The following CDKAL1 variants were observed in gnomAD, a reference collection of about 807,000 sequenced individuals.
The protein encoded by CDKAL1 is CDKAL1 threonylcarbamoyladenosine tRNA methylthiotransferase.
In CDKAL1, 32 loss-of-function variants were observed where a neutral mutation model predicts 68.2. That is an observed-to-expected ratio of 0.47 (90% CI 0.35 to 0.63). CDKAL1 has a LOEUF of 0.63. CDKAL1 is among the 30% of genes least tolerant of loss of function. The pLI, the probability that CDKAL1 is intolerant of heterozygous loss-of-function variation, is 0.00. For missense variants in CDKAL1, 606 were observed against 696.7 expected, an observed-to-expected ratio of 0.87 and a Z score of 1.47; for synonymous variants, 234 against 244.3, an observed-to-expected ratio of 0.96 and a Z score of 0.39.
chr6:20,774,528 G>C (rs9465890), intron 7 of CDKAL1, among the ~76,000 whole-genome samples: 5 of 151,856 alleles, frequency 3.3e-5, no homozygotes, highest in Admixed American at 3.3e-4. Context: ...GTTTTCCCTC[G>C]GTTCTAACAC....
At chr6:20,644,813 G>A (rs945049901) in intron 4 of CDKAL1, among the ~76,000 whole-genome samples, 1 of 152,204 alleles carries the variant, frequency 6.6e-6, no homozygotes, top group African/African-American at 2.4e-5. Context: ...TATTGATTGA[G>A]GTTACTGCAT....
At chr6:20,631,386 T>C (rs1474852354) in intron 4 of CDKAL1, among the ~76,000 whole-genome samples, 1 of 152,140 alleles carries the variant, frequency 6.6e-6, no homozygotes, top group African/African-American at 2.4e-5. Flanking sequence ...AATGATCAAG[T>C]TACACTCTTC....
chr6:21,008,382 T>A (rs577060788), intron 11 of CDKAL1, among the ~76,000 whole-genome samples: 1 of 152,102 alleles, frequency 6.6e-6, no homozygotes, highest in South Asian at 2.1e-4. Flanking sequence ...AAGGATTCTG[T>A]GGCAGGTTAA....
intron 12 of CDKAL1, among the ~76,000 whole-genome samples, chr6:21,087,617 A>G (rs1357054648): frequency 6.6e-6 from 1 of 152,214 alleles, no homozygotes; most frequent in Non-Finnish European, 1.5e-5. Context: ...AGATATTTAA[A>G]GAATATTGGC....
At chr6:20,574,897 A>G (rs1016615907) in intron 4 of CDKAL1, among the ~76,000 whole-genome samples, 4 of 152,180 alleles carry the variant, frequency 2.6e-5, no homozygotes, top group African/African-American at 9.6e-5. Context: ...CTTTGCAGCT[A>G]AGATTCCAGA....
intron 13 of CDKAL1, among the ~76,000 whole-genome samples, chr6:21,134,173 G>A (rs907721996): frequency 1.3e-5 from 2 of 152,162 alleles, no homozygotes; most frequent in African/African-American, 4.8e-5. Context: ...AGGCCAGATA[G>A]GAATTCAGAA....
chr6:21,023,160 A>T (rs548249595), intron 11 of CDKAL1, among the ~76,000 whole-genome samples: 3 of 151,952 alleles, frequency 2.0e-5, no homozygotes, highest in African/African-American at 7.2e-5. Flanking sequence ...GCCTTTGAAC[A>T]TTAGTAGTAA....
At chr6:20,754,504 C>A (rs1489448017) in intron 6 of CDKAL1, among the ~76,000 whole-genome samples, 3 of 152,226 alleles carry the variant, frequency 2.0e-5, no homozygotes. Context: ...GCAATAGCTC[C>A]CTATTCCTAC....
At chr6:20,951,682 A>G (rs2150719485) in intron 9 of CDKAL1, among the ~76,000 whole-genome samples, 1 of 152,318 alleles carries the variant, frequency 6.6e-6, no homozygotes, top group South Asian at 2.1e-4. Context: ...CATCAAAAGG[A>G]TGGTGGACGA....
At chr6:20,692,752 A>C (rs1770925705) in intron 5 of CDKAL1, among the ~76,000 whole-genome samples, 1 of 151,986 alleles carries the variant, frequency 6.6e-6, no homozygotes, top group East Asian at 1.9e-4. Flanking sequence ...AAAAACCCTA[A>C]CCTACTGGAA....
chr6:20,910,448 G>T (rs1486717348), intron 9 of CDKAL1, among the ~76,000 whole-genome samples: 1 of 152,178 alleles, frequency 6.6e-6, no homozygotes, highest in African/African-American at 2.4e-5. Flanking sequence ...TTAACTGGGT[G>T]TCCTATCTGG....
chr6:20,952,509 G>A (rs1248427099), intron 9 of CDKAL1, among the ~76,000 whole-genome samples: 2 of 152,216 alleles, frequency 1.3e-5, no homozygotes, highest in African/African-American at 4.8e-5. Flanking sequence ...CTAATAGCCA[G>A]TTTAATGGTG....
At position 20,871,012 on chromosome 6, in the gene CDKAL1, A is replaced by G. The variant is rs1016621151; in HGVS notation, c.742+24834A>G. On this transcript the variant is annotated intron_variant, in intron 9 of 15. Coordinates refer to ENST00000274695, the MANE Select transcript of CDKAL1 (RefSeq NM_017774.3). ...AGAGTAAGTTGTTATATTTACTAAT[A>G]CTGCGCATTCCTCAAGGGCAAGGGT... is the stretch of plus-strand genomic sequence containing the variant. Among the ~76,000 whole-genome samples the G allele has an allele frequency of 1.7e-4, 26 of 152,190 alleles. 1 individual carries two copies. The highest frequency in any genetic ancestry group is 6.5e-5 in the Admixed American group (1 of 15,282).
chr6:21,036,555 C>G (rs1395718761), intron 11 of CDKAL1, among the ~76,000 whole-genome samples: 1 of 152,158 alleles, frequency 6.6e-6, no homozygotes, highest in Admixed American at 6.5e-5. Flanking sequence ...AAAGTGTCTA[C>G]CGATGAATAA....
chr6:20,905,720 C>T (rs376738198), intron 9 of CDKAL1, among the ~76,000 whole-genome samples: 75 of 152,268 alleles, frequency 4.9e-4, no homozygotes, highest in African/African-American at 1.7e-3. Flanking sequence ...AAAGGAACCA[C>T]AATGAGATTC....
intron 11 of CDKAL1, among the ~76,000 whole-genome samples, chr6:21,051,018 C>G (rs1770511223): frequency 6.6e-6 from 1 of 152,112 alleles, no homozygotes; most frequent in Non-Finnish European, 1.5e-5. Flanking sequence ...CAAATAGGAT[C>G]AAGGTTTTTC....
chr6:20,841,023 C>A (rs1778152945), intron 8 of CDKAL1, among the ~76,000 whole-genome samples: 1 of 152,110 alleles, frequency 6.6e-6, no homozygotes, highest in South Asian at 2.1e-4. Flanking sequence ...TTTGTGGAGA[C>A]AAGGTCTCAC....
chr6:20,682,555 GAGATCTCGTGATAACTCTAT>G (rs1770428887), intron 5 of CDKAL1, among the ~76,000 whole-genome samples: 1 of 100,818 alleles, frequency 9.9e-6, no homozygotes, highest in Non-Finnish European at 2.2e-5. Flanking sequence ...TTTAAACAAT[GAGATCTCGTGATAACTCTAT>G]CAGGAGAACA....
At chr6:20,909,229 T>C (rs6939006) in intron 9 of CDKAL1, among the ~76,000 whole-genome samples, 4,386 of 151,696 alleles carry the variant, frequency 0.029, 204 homozygotes, top group African/African-American at 0.096. Context: ...ATTACTCTTG[T>C]TGAATTTAAG....
Sources: gnomAD v4.1 joint callset for allele counts (sites outside exome capture counted in the v4.1 genomes callset) on GRCh38, gnomAD v4.1.1 for gene constraint, MANE v1.5 for transcripts, NCBI Gene and HGNC (gene_info 2026-07-23, HGNC 2026-07-21) for gene names.